WASHC2C: variants seen among roughly 807,000 people sequenced by gnomAD.
WASHC2C encodes the protein Vaccinia Penetration Factor.
A neutral mutation model predicts 142.2 loss-of-function variants in WASHC2C; 73 were observed. That is an observed-to-expected ratio of 0.51 (90% CI 0.43 to 0.62). The LOEUF is 0.62. WASHC2C is among the 20% of genes least tolerant of loss of function. The pLI is 0.00. For missense variants in WASHC2C, 969 were observed against 1,531.7 expected, an observed-to-expected ratio of 0.63 and a Z score of 6.13; for synonymous variants, 337 against 565.5, an observed-to-expected ratio of 0.60 and a Z score of 5.73.
chr10:45,761,144 A>C (rs1354660981), intron 17 of WASHC2C, among the ~76,000 whole-genome samples: 4 of 151,526 alleles, frequency 2.6e-5, no homozygotes, highest in Non-Finnish European at 5.9e-5. Flanking sequence ...TTGTGTCTGA[A>C]GGTGGCTGGG....
rs551344863 is a variant in WASHC2C at position 45,759,683 on chromosome 10, G to A, written c.1635+282G>A. The stretch of plus-strand genomic sequence containing the variant: ...AAAAGACAAAAATTAGCCGGGTATG[G>A]TGGTGCGAGCCTGTAATCCCAGTTA... On this transcript the variant is annotated intron_variant, in intron 17 of 30. Transcript: ENST00000623400. Among the ~76,000 whole-genome samples the A allele has an allele frequency of 2.3e-3, 344 of 152,210 alleles. 2 individuals are homozygous for A. The highest frequency in any genetic ancestry group is 7.9e-3 in the African/African-American group (329 of 41,526).
At chr10:45,762,009 A>T (rs1309873293) in intron 17 of WASHC2C, among the ~76,000 whole-genome samples, 65 of 125,900 alleles carry the variant, frequency 5.2e-4, no homozygotes, top group African/African-American at 1.7e-3. Flanking sequence ...CCCCATAATT[A>T]AAAAAAAAAA....
rs1554887257 is a variant in WASHC2C, at chr10:45,779,066, G to A, written c.2409G>A (p.Leu803=). Reference sequence around the variant, plus strand: ...CTAGAACCAAAACTGTTCTTAGCTTGTTTGATGAGGAAGAGGATAAAATGG... The same window carrying A: ...CTAGAACCAAAACTGTTCTTAGCTTATTTGATGAGGAAGAGGATAAAATGG... The part of the protein sequence containing the change: ...TKPRTKTVLS[L]FDEEEDKMED... The change falls in exon 23 of 31, where the codon TTG becomes TTA. Residue 803 remains leucine (L), a synonymous_variant. Transcript: ENST00000623400. The A allele has an allele frequency of 1.2e-6, 2 of 1,609,852 alleles. No individual in the cohort carries two copies. The highest frequency in any genetic ancestry group is 2.2e-5 in the South Asian group (2 of 90,776).
At chr10:45,740,859 G>A (rs1207083613) in intron 5 of WASHC2C, among the ~76,000 whole-genome samples, 109 of 152,082 alleles carry the variant, frequency 7.2e-4, no homozygotes, top group Admixed American at 1.4e-3. Flanking sequence ...AGAGTCTCTC[G>A]GTAGTGAACA....
At chr10:45,747,789 T>A (rs1185171865) in intron 8 of WASHC2C, among the ~76,000 whole-genome samples, 3 of 150,468 alleles carry the variant, frequency 2.0e-5, no homozygotes, top group Non-Finnish European at 3.0e-5. Flanking sequence ...GTCAGGGTCT[T>A]CCCATGTTTC....
intron 29 of WASHC2C, 108 bp downstream of exon 29, chr10:45,789,599 G>A (rs1266901225): frequency 5.2e-5 from 78 of 1,500,740 alleles, no homozygotes; most frequent in Non-Finnish European, 7.0e-5. Flanking sequence ...ATACCCCATA[G>A]CCACTTGCTT....
intron 18 of WASHC2C, among the ~76,000 whole-genome samples, chr10:45,764,850 C>T (rs1386873004): frequency 6.6e-6 from 1 of 152,152 alleles, no homozygotes; most frequent in Admixed American, 6.5e-5. Flanking sequence ...TCATTAGCAT[C>T]CCCAATGGAC....
chr10:45,743,907 C>T (rs2052465461), intron 6 of WASHC2C, among the ~76,000 whole-genome samples: 1 of 150,120 alleles, frequency 6.7e-6, no homozygotes, highest in Non-Finnish European at 1.5e-5. Context: ...CACCACCACA[C>T]CTGGCCAATT....
chr10:45,787,250 G>A lies in WASHC2C; in HGVS notation c.3087+3G>A. The A allele has an allele frequency of 7.2e-7, 1 of 1,384,744 alleles. No homozygotes were observed. Among genetic ancestry groups the A allele is most frequent in the East Asian group, 2.5e-5 (1 of 40,242 alleles). The allele number at this position is 1,384,744 out of a possible 1,614,324, so 85.8% of individuals were successfully genotyped here. A position where few individuals can be genotyped will look rare whatever the true frequency, so the allele number is the denominator to read the frequency against. On this transcript the variant is annotated splice_donor_region_variant and intron_variant, in intron 28 of 30. Coordinates refer to ENST00000623400, the MANE Select transcript of WASHC2C (RefSeq NM_001330074.2). ...ACACCTTACACAGTGCAAACAAGGT[G>A]ATGAAACCATCTTTGCTTCCTTGCT...
intron 4 of WASHC2C, 25 bp from the exon 5 acceptor site, chr10:45,740,033 GTATATTGGAGACCCA>G: frequency 2.0e-6 from 1 of 505,804 alleles, no homozygotes; most frequent in African/African-American, 2.3e-5. Context: ...GGCAGTATCA[GTATATTGGAGACCCA>G]TACTGCATGG....
At chr10:45,762,214 A>AT (rs1388832882) in intron 17 of WASHC2C, among the ~76,000 whole-genome samples, 2 of 151,458 alleles carry the variant, frequency 1.3e-5, no homozygotes, top group African/African-American at 2.4e-5. Flanking sequence ...TGATTTTTAT[A>AT]TTTTTTAGCT....
In WASHC2C at chr10:45,792,362, A is replaced by T. The variant is rs2058440449; in HGVS notation, c.3988A>T (p.Ile1330Phe). The T allele has an allele frequency of 2.6e-6, 4 of 1,565,330 alleles. No individual in the cohort carries two copies. In the East Asian group the frequency reaches 6.7e-5, roughly 26 times the overall value. ...AAGATTTGAACACAAGGTGTCCAAC[A>T]TCTTTGATGATCCCCTGAATGCCTT... ...EPRFEHKVSN[I>F]FDDPLNAFGG... Residue 1330 changes from isoleucine (I) to phenylalanine (F), a missense_variant, in exon 31 of 31, where the codon ATC becomes TTC. By Grantham distance (21) the Ile-to-Phe change is conservative (BLOSUM62 0). Transcript: ENST00000623400.
chr10:45,790,579 C>T (rs2058336879), intron 30 of WASHC2C, 46 bp downstream of exon 30: 1 of 1,611,888 alleles, frequency 6.2e-7, no homozygotes, highest in Non-Finnish European at 8.5e-7. Flanking sequence ...CTTACCTTTC[C>T]ATCACTTGGT....
intron 5 of WASHC2C, among the ~76,000 whole-genome samples, chr10:45,742,307 T>TTTTA (rs1335011690): frequency 0.099 from 14,457 of 145,952 alleles, 1 homozygote; most frequent in Middle Eastern, 0.16. Flanking sequence ...TTATAATCTT[T>TTTTA]TTTATTTATT....
intron 19 of WASHC2C, 41 bp from the exon 20 acceptor site, chr10:45,769,408 G>A (rs1427864522): frequency 5.7e-6 from 9 of 1,569,802 alleles, no homozygotes; most frequent in South Asian, 5.7e-5. Context: ...ATGAGCCACT[G>A]CGCCTGGCCT....
At position 45,789,182 on chromosome 10, in the gene WASHC2C, G is replaced by A; in HGVS notation, c.3399G>A (p.Gly1133=). Residue 1133 remains glycine (G), a synonymous_variant, in exon 29 of 31, where the codon GGG becomes GGA. Transcript: ENST00000623400. ...GGGAGGCTGACCTTTTTGATTCTGG[G>A]GACATTTTTTCCACGGGCACTGGAT... ...SRGEADLFDS[G]DIFSTGTGSQ... is the part of the protein sequence containing the mutation. The A allele has an allele frequency of 6.2e-7, 1 of 1,612,028 alleles. No homozygotes were observed. Among genetic ancestry groups the A allele is most frequent in the Admixed American group, 1.7e-5 (1 of 60,026 alleles).
At chr10:45,790,008 AAG>A in intron 29 of WASHC2C, among the ~76,000 whole-genome samples, 1 of 152,242 alleles carries the variant, frequency 6.6e-6, no homozygotes, top group Non-Finnish European at 1.5e-5. Context: ...GCTCTCTGGG[AAG>A]ATAATCAAAT....
chr10:45,785,039 G>T, intron 25 of WASHC2C, 138 bp downstream of exon 25: 1 of 1,584,284 alleles, frequency 6.3e-7, no homozygotes, highest in Non-Finnish European at 8.6e-7. Flanking sequence ...ATAACATGCC[G>T]AGGGGAGCGT....
Position 45,792,185 on chromosome 10 carries a change from G to A in WASHC2C, c.3887-76G>A, listed in dbSNP as rs2058432365. 12 of 1,503,560 alleles carry A rather than the reference G, an allele frequency of 8.0e-6. 2 individuals are homozygous for A. Among genetic ancestry groups the A allele is most frequent in the Non-Finnish European group, 1.1e-5 (12 of 1,093,378 alleles). 93.1% of individuals were successfully genotyped at this position (1,503,560 alleles called of 1,614,324 possible). On this transcript the variant is annotated intron_variant, in intron 30 of 30. Coordinates refer to ENST00000623400, the MANE Select transcript of WASHC2C (RefSeq NM_001330074.2). The stretch of plus-strand genomic sequence containing the variant: ...CTGTTACGAGAGCTGGGTCTTTGGT[G>A]GTTTGCTTGCATGTGTCTTAAAAGT...
Sources: gnomAD v4.1 joint callset for allele counts (sites outside exome capture counted in the v4.1 genomes callset) on GRCh38, gnomAD v4.1.1 for gene constraint, MANE v1.5 for transcripts, NCBI Gene and HGNC (gene_info 2026-07-23, HGNC 2026-07-21) for gene names.